Variants in SATB2 observed in about 807,000 individuals in gnomAD.
SATB2 encodes the protein DNA-binding protein SATB2.
In SATB2, 1 loss-of-function variant was observed where a neutral mutation model predicts 73.4. The observed-to-expected ratio is 0.01, with a 90% confidence interval of 0.00 to 0.06. SATB2 has a LOEUF of 0.06. Among genes scored for constraint, SATB2 ranks in the 10% least tolerant of loss-of-function variants. SATB2 has a pLI of 1.00. For synonymous variants in SATB2, 397 were observed against 367.0 expected (o/e 1.08, Z -0.93); for missense variants, 459 against 945.8 (o/e 0.49, Z 6.75).
chr2:199,418,444 C>T (rs79604900), intron 3 of SATB2, among the ~76,000 whole-genome samples: 1,684 of 152,282 alleles, frequency 0.011, 29 homozygotes, highest in African/African-American at 0.038. Context: ...ATTTGTTCTT[C>T]ACCATCTACG....
chr2:199,336,888 C>A (rs1688352352), intron 7 of SATB2, among the ~76,000 whole-genome samples: 1 of 152,246 alleles, frequency 6.6e-6, no homozygotes, highest in East Asian at 1.9e-4. Flanking sequence ...ATTAATCTCC[C>A]TATGGCACAG....
intron 5 of SATB2, among the ~76,000 whole-genome samples, chr2:199,376,314 A>G (rs1689604013): frequency 6.6e-6 from 1 of 152,246 alleles, no homozygotes; most frequent in Non-Finnish European, 1.5e-5. Flanking sequence ...TGGAACTGCC[A>G]AGAACACTGT....
intron 6 of SATB2, among the ~76,000 whole-genome samples, chr2:199,356,244 A>AAAAG (rs1553491658): frequency 5.9e-5 from 9 of 151,552 alleles, no homozygotes; most frequent in South Asian, 4.2e-4. Context: ...AAAAAAAAAA[A>AAAAG]AAAGAAAGAA....
rs535496052 is a variant in SATB2, at chr2:199,463,096, C to T, written c.-141+1740G>A. ...CTGGTGTCCCTTCGGCGGCCGCGGG[C>T]CGGGGGACCGGGGAAGACGGAGGGT... On this transcript the variant is annotated intron_variant, in intron 1 of 11. Transcript: ENST00000260926. This position sits in a 1 kb window ranked among gnomAD's most constrained non-coding sequence, Gnocchi z 6.4. Among the ~76,000 whole-genome samples, 1 of 152,128 alleles carries T rather than the reference C, an allele frequency of 6.6e-6. No individual in the cohort carries two copies. Among genetic ancestry groups the T allele is most frequent in the Admixed American group, 6.5e-5 (1 of 15,302 alleles).
At chr2:199,293,207 T>C (rs908256781) in intron 10 of SATB2, among the ~76,000 whole-genome samples, 1 of 152,174 alleles carries the variant, frequency 6.6e-6, no homozygotes, top group Non-Finnish European at 1.5e-5. Flanking sequence ...AGTAGTATGG[T>C]AGCAAAGAAA....
chr2:199,458,203 G>A (rs1247315513), upstream of SATB2: 3 of 212,006 alleles, frequency 1.4e-5, no homozygotes, highest in African/African-American at 7.4e-5. Flanking sequence ...GGGAGTGGGG[G>A]GCGGGGAGGA....
At chr2:199,399,074 C>T (rs999645681) in intron 3 of SATB2, among the ~76,000 whole-genome samples, 2 of 152,098 alleles carry the variant, frequency 1.3e-5, no homozygotes, top group African/African-American at 4.8e-5. Flanking sequence ...AGGTCAAGAC[C>T]AGCCTGAGCA....
intron 10 of SATB2, among the ~76,000 whole-genome samples, chr2:199,297,119 A>G (rs1687131619): frequency 6.6e-6 from 1 of 152,246 alleles, no homozygotes; most frequent in South Asian, 2.1e-4. Flanking sequence ...TAAGAAAGAT[A>G]CGATTTTTTA....
intron 3 of SATB2, among the ~76,000 whole-genome samples, chr2:199,419,242 C>G (rs982955404): frequency 6.6e-6 from 1 of 152,216 alleles, no homozygotes; most frequent in African/African-American, 2.4e-5. Context: ...AGGCCTAGAA[C>G]ACACTGTTTT....
intron 2 of SATB2, among the ~76,000 whole-genome samples, chr2:199,444,132 T>G (rs1691898798): frequency 1.3e-5 from 2 of 151,962 alleles, no homozygotes; most frequent in South Asian, 4.1e-4. Flanking sequence ...TCTTTATAAT[T>G]TATATAATTT....
chr2:199,352,153 C>T (rs1465485027), intron 6 of SATB2, among the ~76,000 whole-genome samples: 4 of 152,138 alleles, frequency 2.6e-5, no homozygotes, highest in Non-Finnish European at 5.9e-5. Flanking sequence ...GGATTACAGG[C>T]GTGAGCCACT....
chr2:199,471,228 T>A lies in SATB2; in HGVS notation c.-355A>T, dbSNP rs564227627. 2.6e-5 allele frequency: 4 copies of A among 152,478 alleles called. No homozygotes were observed. In the South Asian group the frequency reaches 8.3e-4, roughly 32 times the overall value. 9.4% of individuals were successfully genotyped at this position (152,478 alleles called of 1,614,324 possible). ...TCCAAGGATGGTCGTTTACCTCTCC[T>A]GAGATCAGCCCTAATCCCTTGGTAA... is the stretch of plus-strand genomic sequence containing the variant. On this transcript the variant is annotated 5_prime_UTR_variant, in exon 1 of 12. Coordinates refer to the SATB2 transcript ENST00000457245.
chr2:199,389,737 C>CAGT (rs1241267017), intron 3 of SATB2, among the ~76,000 whole-genome samples: 1 of 151,996 alleles, frequency 6.6e-6, no homozygotes, highest in African/African-American at 2.4e-5. Context: ...ATATTTAAAT[C>CAGT]ATATTTCTAT....
At chr2:199,399,412 C>T (rs1486508699) in intron 3 of SATB2, among the ~76,000 whole-genome samples, 1 of 152,202 alleles carries the variant, frequency 6.6e-6, no homozygotes, top group South Asian at 2.1e-4. Flanking sequence ...GAGAGAAGTG[C>T]TTTCCAAGTG....
intron 3 of SATB2, among the ~76,000 whole-genome samples, chr2:199,384,088 T>C (rs1303381488): frequency 1.3e-5 from 2 of 152,132 alleles, no homozygotes; most frequent in African/African-American, 2.4e-5. Context: ...CAGGAAATAA[T>C]AGACAACTCA....
chr2:199,281,691 G>T (rs1329699911), intron 10 of SATB2, among the ~76,000 whole-genome samples: 1 of 151,934 alleles, frequency 6.6e-6, no homozygotes, highest in African/African-American at 2.4e-5. Flanking sequence ...CAGCATTAAG[G>T]ACAATTAATT....
At chr2:199,408,924 A>C (rs1690721617) in intron 3 of SATB2, among the ~76,000 whole-genome samples, 1 of 152,246 alleles carries the variant, frequency 6.6e-6, no homozygotes, top group East Asian at 1.9e-4. Context: ...AGAGCACTGA[A>C]CATAATGAGG....
rs1224907633 is a variant in SATB2 at position 199,463,102 on chromosome 2, G to C, written c.-141+1734C>G. Among the ~76,000 whole-genome samples, 1 of 152,110 alleles carries C rather than the reference G, an allele frequency of 6.6e-6. No homozygotes were observed. The highest frequency in any genetic ancestry group is 2.4e-5 in the African/African-American group (1 of 41,430). On this transcript the variant is annotated intron_variant, in intron 1 of 11. Coordinates refer to the SATB2 transcript ENST00000260926. The surrounding 1 kb of genome is among the most constrained non-coding windows in gnomAD (Gnocchi z 6.4). ...TCCCTTCGGCGGCCGCGGGCCGGGGGACCGGGGAAGACGGAGGGTCCTGCG... is the reference window on the plus strand; with the variant it reads ...TCCCTTCGGCGGCCGCGGGCCGGGGCACCGGGGAAGACGGAGGGTCCTGCG...
chr2:199,356,671 A>G (rs1294677681), intron 6 of SATB2, among the ~76,000 whole-genome samples: 1 of 152,172 alleles, frequency 6.6e-6, no homozygotes, highest in Non-Finnish European at 1.5e-5. Flanking sequence ...CACAAACCAC[A>G]TGGCTACTTT....
Sources: gnomAD v4.1 joint callset for allele counts (sites outside exome capture counted in the v4.1 genomes callset) on GRCh38, gnomAD v4.1.1 for gene constraint, Gnocchi (gnomAD v3.1) non-coding constraint, MANE v1.5 for transcripts, NCBI Gene and HGNC (gene_info 2026-07-23, HGNC 2026-07-21) for gene names.